TRIM14: variants seen among roughly 807,000 people sequenced by gnomAD.
The protein encoded by TRIM14 is tripartite motif containing 14.
In TRIM14, 28 loss-of-function variants were observed where a neutral mutation model predicts 44.5. The observed-to-expected ratio is 0.63, with a 90% confidence interval of 0.47 to 0.86. The LOEUF is 0.86. Among genes scored for constraint, TRIM14 ranks in the 40% least tolerant of loss-of-function variants. TRIM14 has a pLI of 0.00. For synonymous variants in TRIM14, 299 were observed against 269.2 expected, an observed-to-expected ratio of 1.11 and a Z score of -1.08; for missense variants, 607 against 611.1, an observed-to-expected ratio of 0.99 and a Z score of 0.07.
intron 2 of TRIM14, among the ~76,000 whole-genome samples, chr9:98,106,364 C>T (rs1826609907): frequency 6.6e-6 from 1 of 152,200 alleles, no homozygotes; most frequent in Non-Finnish European, 1.5e-5. Flanking sequence ...GTTTCTTGAT[C>T]AGGAATTGAA....
chr9:98,051,725 A>T, the TRIM14 span, among the ~76,000 whole-genome samples: 2 of 152,116 alleles, frequency 1.3e-5, no homozygotes, highest in Non-Finnish European at 2.9e-5. Flanking sequence ...AGATCCCCAA[A>T]ATGAAGGGTC....
At chr9:98,081,269 A>T, downstream of TRIM14, 1 of 724,608 alleles carries the variant, frequency 1.4e-6, no homozygotes, top group South Asian at 1.9e-5. Context: ...GGCCTGTAGC[A>T]GCAGCAGGAG....
chr9:98,094,393 C>G (rs556591906), intron 4 of TRIM14, among the ~76,000 whole-genome samples: 1 of 152,220 alleles, frequency 6.6e-6, no homozygotes, highest in South Asian at 2.1e-4. Flanking sequence ...CATGAGCACC[C>G]TCTAGCAGGA....
At chr9:98,118,775 T>C (rs981018657) in intron 1 of TRIM14, among the ~76,000 whole-genome samples, 7 of 152,214 alleles carry the variant, frequency 4.6e-5, no homozygotes, top group Admixed American at 6.5e-5. Context: ...GCTCAACTGA[T>C]GGCTTTGGCT....
the TRIM14 span, among the ~76,000 whole-genome samples, chr9:98,041,065 A>G: frequency 2.0e-5 from 3 of 152,146 alleles, no homozygotes; most frequent in Non-Finnish European, 4.4e-5. Flanking sequence ...CTGAGATTAC[A>G]GGTGTGAGCC....
intron 1 of TRIM14, among the ~76,000 whole-genome samples, chr9:98,118,048 GT>G (rs1827115562): frequency 6.6e-6 from 1 of 152,132 alleles, no homozygotes; most frequent in South Asian, 2.1e-4. Context: ...TCACAGTGTG[GT>G]GGTCTGGAGT....
At chr9:98,074,865 C>T (rs1230262949) in intron 6 of TRIM14, 1 of 152,158 alleles carries the variant, frequency 6.6e-6, no homozygotes, top group Non-Finnish European at 1.5e-5. Context: ...AAACAGAAAG[C>T]ACTCTCTTCA....
At chr9:98,048,392 T>C in the TRIM14 span, among the ~76,000 whole-genome samples, 3 of 152,144 alleles carry the variant, frequency 2.0e-5, no homozygotes, top group Admixed American at 2.0e-4. Flanking sequence ...TTAAGAAATA[T>C]AAAAACTGGC....
chr9:98,115,164 A>G (rs1827003699), intron 1 of TRIM14, among the ~76,000 whole-genome samples: 1 of 151,818 alleles, frequency 6.6e-6, no homozygotes, highest in African/African-American at 2.4e-5. Context: ...ATCTCGGCTC[A>G]CTGCAACCTC....
downstream of TRIM14, among the ~76,000 whole-genome samples, chr9:98,066,212 G>A (rs924872645): frequency 6.6e-6 from 1 of 152,212 alleles, no homozygotes; most frequent in Non-Finnish European, 1.5e-5. Context: ...TCAGAGTAAT[G>A]AGAAGTATAT....
In TRIM14 at chr9:98,087,890, C is replaced by T; in HGVS notation, c.909G>A (p.Leu303=). 1 of 1,569,858 alleles carries T rather than the reference C, an allele frequency of 6.4e-7. No homozygotes were observed. The highest frequency in any genetic ancestry group is 1.8e-5 in the Admixed American group (1 of 56,752). The part of the protein sequence containing the change: ...LLGSLGPVPV[L]RFDALWQVLA... ...GCACTTGCCAGAGCGCGTCGAACCGCAGCACGGGCACGGGCCCCAGGCTGC... is the reference window on the plus strand; with the variant it reads ...GCACTTGCCAGAGCGCGTCGAACCGTAGCACGGGCACGGGCCCCAGGCTGC... The change falls in exon 6 of 6, where the codon CTG becomes CTA. Residue 303 remains leucine, a synonymous_variant. Transcript: ENST00000341469.
At chr9:98,050,405 G>A in the TRIM14 span, among the ~76,000 whole-genome samples, 6 of 152,304 alleles carry the variant, frequency 3.9e-5, no homozygotes, top group East Asian at 9.6e-4. Flanking sequence ...AGTGAGTTTT[G>A]CAAGGTGGGA....
intron 3 of TRIM14, among the ~76,000 whole-genome samples, chr9:98,096,323 A>G (rs1348479022): frequency 6.6e-6 from 1 of 152,138 alleles, no homozygotes; most frequent in Non-Finnish European, 1.5e-5. Context: ...TCACACCCAG[A>G]GCGCTGGAAT....
rs2118446880 is a variant in TRIM14, at chr9:98,099,967, A to G, written c.501T>C (p.Ser167=). 1.9e-6 allele frequency: 3 copies of G among 1,613,854 alleles called. No individual in the cohort carries two copies. In the East Asian group the frequency reaches 6.7e-5, roughly 36 times the overall value. Residue 167 remains serine, a synonymous_variant, in exon 3 of 6, where the codon AGT becomes AGC. Coordinates refer to ENST00000341469, the MANE Select transcript of TRIM14 (RefSeq NM_014788.4). ...GGACAGGATCGGGCTCCTGGCTGAT[A>G]CTCCAGACCCTGTTGGAGAGATCAT... The part of the protein sequence containing the change: ...IMNDLSNRVW[S]ISQEPDPVQR...
At chr9:98,053,704 C>T in the TRIM14 span, among the ~76,000 whole-genome samples, 1 of 151,998 alleles carries the variant, frequency 6.6e-6, no homozygotes, top group Non-Finnish European at 1.5e-5. Flanking sequence ...GCCGGCATAC[C>T]AGGTTTCCAG....
intron 1 of TRIM14, among the ~76,000 whole-genome samples, chr9:98,116,403 T>C (rs1348361530): frequency 1.3e-5 from 2 of 151,990 alleles, no homozygotes; most frequent in African/African-American, 4.8e-5. Context: ...AAGAAAAGAA[T>C]GTCACTTTCC....
chr9:98,101,610 CAG>C (rs1826395269), intron 2 of TRIM14, among the ~76,000 whole-genome samples: 1 of 151,644 alleles, frequency 6.6e-6, no homozygotes, highest in African/African-American at 2.4e-5. Context: ...TTAGCAGAGA[CAG>C]GGAGTCACTG....
Position 98,085,324 on chromosome 9 carries a change from G to C in TRIM14, c.*2146C>G, listed in dbSNP as rs1359493314. 6.6e-6 allele frequency: 1 copy of C among 152,498 alleles called. No individual in the cohort carries two copies. Among genetic ancestry groups the C allele is most frequent in the Non-Finnish European group, 1.5e-5 (1 of 68,268 alleles). 9.4% of individuals were successfully genotyped at this position (152,498 alleles called of 1,614,324 possible). On this transcript the variant is annotated 3_prime_UTR_variant, in exon 6 of 6. Transcript: ENST00000341469. ...ACTCACAGCCTGGGCCCAGACTCCAGCTCCACCACTAGCTGTGCGACCTTG... is the reference window on the plus strand; with the variant it reads ...ACTCACAGCCTGGGCCCAGACTCCACCTCCACCACTAGCTGTGCGACCTTG...
At chr9:98,052,970 G>A in the TRIM14 span, among the ~76,000 whole-genome samples, 60 of 152,216 alleles carry the variant, frequency 3.9e-4, no homozygotes, top group African/African-American at 1.4e-3. Flanking sequence ...TTTTGTTTTC[G>A]TTTTCTAATA....
Sources: allele counts gnomAD v4.1 joint callset (sites outside exome capture counted in the v4.1 genomes callset), GRCh38; gene constraint gnomAD v4.1.1; transcripts MANE v1.5; gene names NCBI Gene and HGNC (gene_info 2026-07-23, HGNC 2026-07-21).